LRPPRC: variants seen among roughly 807,000 people sequenced by gnomAD.
The protein encoded by LRPPRC is leucine rich pentatricopeptide repeat containing, also known as leucine-rich PPR motif-containing protein, mitochondrial.
LRPPRC carries 120 observed loss-of-function variants against 180.3 expected under a neutral mutation model. The observed-to-expected ratio is 0.67, with a 90% CI of 0.57 to 0.77. The LOEUF (loss-of-function observed/expected upper bound fraction) is 0.77. Among genes scored for constraint, LRPPRC ranks in the 30% least tolerant of loss-of-function variants. The pLI, the probability that LRPPRC is intolerant of heterozygous loss-of-function variation, is 0.00. For synonymous variants in LRPPRC, 723 were observed against 600.0 expected (o/e 1.21, Z -3.00); for missense variants, 2,012 against 1,657.2 (o/e 1.21, Z -3.72).
chr2:43,898,071 T>TTA (rs376938305), intron 34 of LRPPRC, among the ~76,000 whole-genome samples: 6 of 115,960 alleles, frequency 5.2e-5, no homozygotes, highest in South Asian at 2.8e-4. Context: ...TCCTTAAAAT[T>TTA]AAAAAAAAAA....
At chr2:43,912,985 A>C (rs927572130) in intron 29 of LRPPRC, among the ~76,000 whole-genome samples, 4 of 152,198 alleles carry the variant, frequency 2.6e-5, no homozygotes, top group Admixed American at 2.6e-4. Flanking sequence ...TTCATTTTAA[A>C]GCAATCTTTA....
intron 23 of LRPPRC, among the ~76,000 whole-genome samples, chr2:43,939,316 C>A (rs2105069068): frequency 6.6e-6 from 1 of 151,326 alleles, no homozygotes; most frequent in African/African-American, 2.4e-5. Context: ...AAAACAACAA[C>A]AACAACAAAA....
intron 27 of LRPPRC, among the ~76,000 whole-genome samples, chr2:43,922,003 TAAG>T (rs1365650686): frequency 2.0e-5 from 3 of 152,208 alleles, no homozygotes; most frequent in African/African-American, 7.2e-5. Context: ...GTTCAGAACA[TAAG>T]AAAATGTTTG....
At chr2:43,906,829 C>G (rs1471494774) in intron 30 of LRPPRC, among the ~76,000 whole-genome samples, 3 of 152,186 alleles carry the variant, frequency 2.0e-5, no homozygotes, top group Non-Finnish European at 4.4e-5. Flanking sequence ...CTAAGGTCCA[C>G]CCCTGCAGTC....
chr2:43,911,213 A>T (rs1405986247), intron 30 of LRPPRC, among the ~76,000 whole-genome samples: 2 of 151,604 alleles, frequency 1.3e-5, no homozygotes, highest in East Asian at 1.9e-4. Context: ...TGACACACAG[A>T]GTACATTAAA....
intron 23 of LRPPRC, among the ~76,000 whole-genome samples, chr2:43,937,377 T>G (rs1672313519): frequency 6.6e-6 from 1 of 152,190 alleles, no homozygotes; most frequent in South Asian, 2.1e-4. Context: ...TAGTCAGTTC[T>G]TCAGTCCCTA....
intron 12 of LRPPRC, among the ~76,000 whole-genome samples, chr2:43,962,360 C>T (rs1042517272): frequency 1.3e-5 from 2 of 151,890 alleles, no homozygotes; most frequent in Non-Finnish European, 2.9e-5. Flanking sequence ...AGATATAAAC[C>T]CTAACACTTC....
In LRPPRC at chr2:43,943,752, C is replaced by G; in HGVS notation, c.2439G>C (p.Val813=). 1 of 1,613,582 alleles carries G rather than the reference C, an allele frequency of 6.2e-7. No homozygotes were observed. Among genetic ancestry groups the G allele is most frequent in the Non-Finnish European group, 8.5e-7 (1 of 1,179,532 alleles). The stretch of plus-strand genomic sequence containing the variant: ...TGGATGGTTCTGCTAACCCTAGAGT[C>G]ACGATGGCTTCATGCAACTGTTTTA... ...ETVKQLHEAI[V]TLGLAEPSTN... Residue 813 remains valine (V), a synonymous_variant, in exon 23 of 38, where the codon GTG becomes GTC. Transcript: ENST00000260665.
chr2:43,992,962 A>T (rs1235068327), intron 1 of LRPPRC, among the ~76,000 whole-genome samples: 1 of 152,230 alleles, frequency 6.6e-6, no homozygotes, highest in Non-Finnish European at 1.5e-5. Context: ...GAAAATGTTG[A>T]GAAAACACAG....
At position 43,975,103 on chromosome 2, in the gene LRPPRC, G is replaced by A; in HGVS notation, c.852C>T (p.Asp284=). The change falls in exon 7 of 38, where the codon GAC becomes GAT. Residue 284 remains aspartate, a synonymous_variant. Coordinates refer to ENST00000260665, the MANE Select transcript of LRPPRC (RefSeq NM_133259.4). ...ACATAAGTCATACCTGCTTAACATG[G>A]TCAATGTCGCCCTTCTCAGCATATG... ...LNAYAEKGDI[D]HVKQTLEKVE... is the part of the protein sequence containing the mutation. The A allele has an allele frequency of 6.2e-7, 1 of 1,613,016 alleles. No homozygotes were observed. The highest frequency in any genetic ancestry group is 8.5e-7 in the Non-Finnish European group (1 of 1,179,778).
rs748224728 is a variant in LRPPRC, at chr2:43,889,916, C to A, written c.3986-40G>T. 8.1e-6 allele frequency: 12 copies of A among 1,485,314 alleles called. No individual in the cohort carries two copies. The South Asian group carries it at 1.4e-4, about 17-fold the overall frequency. The allele number at this position is 1,485,314 out of a possible 1,614,324, so 92.0% of individuals were successfully genotyped here. A position where few individuals can be genotyped will look rare whatever the true frequency, so the allele number is the denominator to read the frequency against. On this transcript the variant is annotated intron_variant, in intron 36 of 37. Transcript: ENST00000260665. ...AAAATATATTAATCAGAGATAAAGA[C>A]AACCTATCTTACTCTTTTCACCAAA...
intron 11 of LRPPRC, among the ~76,000 whole-genome samples, chr2:43,965,616 T>C (rs145955437): frequency 1.3e-5 from 2 of 152,248 alleles, no homozygotes; most frequent in Non-Finnish European, 2.9e-5. Flanking sequence ...ACGTATCTGA[T>C]AAGGGGCTAA....
At chr2:43,905,049 CA>C (rs1466165877) in intron 31 of LRPPRC, among the ~76,000 whole-genome samples, 2 of 152,176 alleles carry the variant, frequency 1.3e-5, no homozygotes, top group African/African-American at 4.8e-5. Flanking sequence ...GCCCCCACCC[CA>C]ATCCCAATCC....
intron 30 of LRPPRC, among the ~76,000 whole-genome samples, chr2:43,910,836 A>C (rs1671230297): frequency 1.3e-5 from 2 of 152,108 alleles, no homozygotes; most frequent in African/African-American, 4.8e-5. Context: ...TAAATAAATA[A>C]AATTAAAATC....
chr2:43,908,548 T>C (rs1671141567), intron 30 of LRPPRC, among the ~76,000 whole-genome samples: 1 of 152,102 alleles, frequency 6.6e-6, no homozygotes, highest in Non-Finnish European at 1.5e-5. Flanking sequence ...CCTTTTTTTT[T>C]TCTCACTCTG....
At chr2:43,992,651 G>A (rs1036793764) in intron 1 of LRPPRC, among the ~76,000 whole-genome samples, 3 of 152,172 alleles carry the variant, frequency 2.0e-5, no homozygotes, top group African/African-American at 7.2e-5. Flanking sequence ...ATCTAACAGG[G>A]CTTAATCATT....
In LRPPRC at chr2:43,886,811, A is replaced by G. The variant is rs1271385245; in HGVS notation, c.*1789T>C. The G allele has an allele frequency of 6.6e-6, 1 of 152,186 alleles. No individual in the cohort carries two copies. Among genetic ancestry groups the G allele is most frequent in the East Asian group, 1.9e-4 (1 of 5,190 alleles). The allele number at this position is 152,186 out of a possible 1,614,324, so 9.4% of individuals were successfully genotyped here. On this transcript the variant is annotated 3_prime_UTR_variant, in exon 38 of 38. Transcript: ENST00000260665. ...CTTGTGGTTAGCATGACTGCAAAAA[A>G]ATGAGGCCTGCTTCAGTGCAATCAC...
chr2:43,899,057 C>T (rs1250158102), intron 34 of LRPPRC, among the ~76,000 whole-genome samples, 162 bp downstream of exon 34: 5 of 152,174 alleles, frequency 3.3e-5, no homozygotes, highest in Non-Finnish European at 5.9e-5. Context: ...AATCTACCAT[C>T]CAGTCCTTGT....
intron 16 of LRPPRC, among the ~76,000 whole-genome samples, chr2:43,948,889 T>C (rs1672795326): frequency 6.6e-6 from 1 of 152,178 alleles, no homozygotes; most frequent in African/African-American, 2.4e-5. Flanking sequence ...CTGTTTTTTT[T>C]TTGTGGACAA....
Sources: allele counts gnomAD v4.1 joint callset (sites outside exome capture counted in the v4.1 genomes callset), GRCh38; gene constraint gnomAD v4.1.1; transcripts MANE v1.5; gene names NCBI Gene and HGNC (gene_info 2026-07-23, HGNC 2026-07-21).